The following GPALPP1 variants were observed in gnomAD, a reference collection of about 807,000 sequenced individuals.
The protein encoded by GPALPP1 is GPALPP motifs containing 1, also known as GPALPP motifs-containing protein 1.
Under a neutral mutation model 38.9 loss-of-function variants are expected in GPALPP1, and 30 were observed. That is an observed-to-expected ratio of 0.77 (90% CI 0.58 to 1.05). The LOEUF (loss-of-function observed/expected upper bound fraction) is 1.05, where lower values mean the gene tolerates loss of function less well. Among genes scored for constraint, GPALPP1 ranks in the 50% least tolerant of loss-of-function variants. GPALPP1 has a pLI of 0.00. For synonymous variants in GPALPP1, 120 were observed against 139.2 expected (o/e 0.86, Z 0.97); for missense variants, 384 against 408.8 (o/e 0.94, Z 0.52).
At chr13:45,037,063 C>A (rs1378322647) in exon 8 of GPALPP1, 1 of 152,184 alleles carries the variant, frequency 6.6e-6, no homozygotes, top group Non-Finnish European at 1.5e-5. Flanking sequence ...TTTCGAGAAC[C>A]TATTCAAGAA....
intron 3 of GPALPP1, among the ~76,000 whole-genome samples, chr13:45,008,279 A>T (rs187774885): frequency 1.3e-5 from 2 of 152,316 alleles, no homozygotes; most frequent in Admixed American, 1.3e-4. Context: ...TAATACTGCC[A>T]TGTTATATAG....
intron 6 of GPALPP1, among the ~76,000 whole-genome samples, chr13:45,017,427 C>T (rs1265811164): frequency 6.6e-6 from 1 of 152,084 alleles, no homozygotes; most frequent in Non-Finnish European, 1.5e-5. Context: ...TCCAAGAGAG[C>T]CACAAAAACC....
At chr13:45,008,343 CA>C (rs1874245917) in intron 3 of GPALPP1, among the ~76,000 whole-genome samples, 1 of 152,192 alleles carries the variant, frequency 6.6e-6, no homozygotes, top group Non-Finnish European at 1.5e-5. Flanking sequence ...TAGAAGAACT[CA>C]ATTTCTACTT....
chr13:45,021,853 C>A (rs1205435859), intron 7 of GPALPP1, among the ~76,000 whole-genome samples: 1 of 152,078 alleles, frequency 6.6e-6, no homozygotes, highest in East Asian at 1.9e-4. Context: ...GATAAATAAG[C>A]TAAGCCTTTT....
At chr13:44,995,174 A>ACACACACACACC (rs1403717667) in intron 1 of GPALPP1, among the ~76,000 whole-genome samples, 1 of 100,006 alleles carries the variant, frequency 1.0e-5, no homozygotes, top group Non-Finnish European at 2.1e-5. Flanking sequence ...CTTTAAACAC[A>ACACACACACACC]CACACACACA....
At position 45,029,458 on chromosome 13, in the gene GPALPP1, G is replaced by A. The variant is rs1876076801; in HGVS notation, c.*1455G>A. On this transcript the variant is annotated 3_prime_UTR_variant, in exon 8 of 8. Coordinates refer to ENST00000379151, the MANE Select transcript of GPALPP1 (RefSeq NM_018559.5). ...GTGCCTTTAGCTTCTGTGGAAGTATGGGGAATTATGGGCTTTTCTTCAAAT... is the reference window on the plus strand; with the variant it reads ...GTGCCTTTAGCTTCTGTGGAAGTATAGGGAATTATGGGCTTTTCTTCAAAT... 1 of 152,148 alleles carries A rather than the reference G, an allele frequency of 6.6e-6. No homozygotes were observed. The highest frequency in any genetic ancestry group is 2.4e-5 in the African/African-American group (1 of 41,422). 9.4% of individuals were successfully genotyped at this position (152,148 alleles called of 1,614,324 possible).
intron 2 of GPALPP1, among the ~76,000 whole-genome samples, chr13:45,004,801 AT>A (rs201146814): frequency 0.017 from 2,611 of 151,460 alleles, 73 homozygotes; most frequent in East Asian, 0.084. Context: ...GTGCCCGCAA[AT>A]TTTTGTATTT....
rs549920181 is a variant in GPALPP1 at position 45,026,621 on chromosome 13, A to G, written c.805-1164A>G. On this transcript the variant is annotated intron_variant, in intron 7 of 7. Transcript: ENST00000379151. ...CCCCTCAAGTACATTCTTTGGCAGT[A>G]GGAAGGGCCTGGAAGAGGTATGGTT... Among the ~76,000 whole-genome samples, 3 of 152,344 alleles carry G rather than the reference A, an allele frequency of 2.0e-5. No individual in the cohort carries two copies. In the East Asian group the frequency reaches 5.8e-4, roughly 29 times the overall value.
At chr13:45,022,160 A>G (rs1329894077) in intron 7 of GPALPP1, among the ~76,000 whole-genome samples, 1 of 152,214 alleles carries the variant, frequency 6.6e-6, no homozygotes, top group Non-Finnish European at 1.5e-5. Context: ...GATGAATCTC[A>G]AAAGTCATAC....
At chr13:45,010,080 A>G (rs992498918) in intron 4 of GPALPP1, among the ~76,000 whole-genome samples, 1 of 152,084 alleles carries the variant, frequency 6.6e-6, no homozygotes. Context: ...GTCAAAACCA[A>G]AGTCCTTTTA....
chr13:45,020,170 T>C (rs1293233037), intron 6 of GPALPP1, among the ~76,000 whole-genome samples, 160 bp from the exon 7 acceptor site: 3 of 152,170 alleles, frequency 2.0e-5, no homozygotes, highest in Admixed American at 6.5e-5. Flanking sequence ...CGTGAGTCAC[T>C]ATGCCCGGCA....
At position 44,994,772 on chromosome 13, in the gene GPALPP1, T is replaced by C. The variant is rs569504473; in HGVS notation, c.88+5030T>C. On this transcript the variant is annotated intron_variant, in intron 1 of 7. Coordinates refer to ENST00000379151, the MANE Select transcript of GPALPP1 (RefSeq NM_018559.5). ...ATTTATTCGTGGTTTTTTGTTGTTG[T>C]TGTTGATTTAGGGTCATTGTTCAGA... Among the ~76,000 whole-genome samples, 3 of 152,296 alleles carry C rather than the reference T, an allele frequency of 2.0e-5. No homozygotes were observed. In the South Asian group the frequency reaches 6.2e-4, roughly 32 times the overall value.
downstream of GPALPP1, among the ~76,000 whole-genome samples, chr13:45,032,787 G>A (rs1441451320): frequency 1.3e-5 from 2 of 150,782 alleles, no homozygotes; most frequent in Non-Finnish European, 3.0e-5. Flanking sequence ...TGTAATTCTA[G>A]CACTTTGGGA....
At chr13:44,995,169 A>ACACACACACACACACACAC (rs377500898) in intron 1 of GPALPP1, among the ~76,000 whole-genome samples, 1 of 128,534 alleles carries the variant, frequency 7.8e-6, no homozygotes, top group Non-Finnish European at 1.6e-5. Context: ...CCTATCTTTA[A>ACACACACACACACACACAC]ACACACACAC....
chr13:44,999,531 C>A (rs1208773520), intron 1 of GPALPP1, among the ~76,000 whole-genome samples: 4 of 152,128 alleles, frequency 2.6e-5, no homozygotes, highest in African/African-American at 9.7e-5. Context: ...CATGTCCTTA[C>A]TTTTATTAGG....
intron 6 of GPALPP1, among the ~76,000 whole-genome samples, chr13:45,019,406 C>G (rs1875221871): frequency 6.6e-6 from 1 of 151,756 alleles, no homozygotes; most frequent in South Asian, 2.1e-4. Context: ...CCTCTGCCTC[C>G]CAAAGTGCTA....
intron 7 of GPALPP1, among the ~76,000 whole-genome samples, chr13:45,025,057 A>G (rs1055014426): frequency 3.0e-5 from 4 of 134,082 alleles, no homozygotes; most frequent in Non-Finnish European, 4.7e-5. Flanking sequence ...TGACTGGTAC[A>G]CTGAAACTTC....
At chr13:45,022,190 A>T (rs958535906) in intron 7 of GPALPP1, among the ~76,000 whole-genome samples, 1 of 152,182 alleles carries the variant, frequency 6.6e-6, no homozygotes, top group African/African-American at 2.4e-5. Flanking sequence ...GAAATCTTAC[A>T]CAAGCAAGTA....
intron 1 of GPALPP1, among the ~76,000 whole-genome samples, chr13:44,992,495 C>A (rs935037091): frequency 5.3e-5 from 8 of 151,840 alleles, no homozygotes; most frequent in Admixed American, 1.3e-4. Flanking sequence ...TAATTTTTTT[C>A]TTTTATGGTA....
Sources: allele counts gnomAD v4.1 joint callset (sites outside exome capture counted in the v4.1 genomes callset), GRCh38; gene constraint gnomAD v4.1.1; transcripts MANE v1.5; gene names NCBI Gene and HGNC (gene_info 2026-07-23, HGNC 2026-07-21).